The following PDGFC variants were observed in gnomAD, a reference collection of about 807,000 sequenced individuals.
PDGFC encodes platelet derived growth factor C.
In PDGFC, 12 loss-of-function variants were observed where a neutral mutation model predicts 35.5. That is an observed-to-expected ratio of 0.34 (90% CI 0.22 to 0.55). The LOEUF (loss-of-function observed/expected upper bound fraction) is 0.55. Among genes scored for constraint, PDGFC ranks in the 20% least tolerant of loss-of-function variants. The pLI is 0.91. For synonymous variants in PDGFC, 159 were observed against 148.8 expected (o/e 1.07, Z -0.50); for missense variants, 322 against 412.4 (o/e 0.78, Z 1.90).
chr4:156,942,524 T>G (rs1560884014), intron 1 of PDGFC, among the ~76,000 whole-genome samples: 1 of 151,814 alleles, frequency 6.6e-6, no homozygotes, highest in Non-Finnish European at 1.5e-5. Flanking sequence ...AAGAATGTAT[T>G]TGTGTCAATA....
chr4:156,915,518 C>G (rs142946978), intron 1 of PDGFC, among the ~76,000 whole-genome samples: 1 of 151,970 alleles, frequency 6.6e-6, no homozygotes, highest in Non-Finnish European at 1.5e-5. Flanking sequence ...AAACAAGGTG[C>G]GGGGGGGCAG....
At chr4:156,907,940 A>G (rs140996749) in intron 1 of PDGFC, among the ~76,000 whole-genome samples, 2,664 of 152,214 alleles carry the variant, frequency 0.018, 89 homozygotes, top group African/African-American at 0.061. Context: ...AGGCCAAGGC[A>G]GGAGGATCAC....
At position 156,950,517 on chromosome 4, in the gene PDGFC, T is replaced by G. The variant is rs769382748; in HGVS notation, c.118+20269A>C. Among the ~76,000 whole-genome samples the G allele has an allele frequency of 1.3e-4, 20 of 151,974 alleles. 1 individual carries two copies. Among genetic ancestry groups the G allele is most frequent in the Non-Finnish European group, 2.5e-4 (17 of 67,866 alleles). ...GAAAATCCCAAGTCTAACTGCTTTT[T>G]AAGATTTTCACATCCTTACTTTGAA... On this transcript the variant is annotated intron_variant, in intron 1 of 5. Transcript: ENST00000502773.
chr4:156,835,749 C>T (rs1221371716), intron 2 of PDGFC, among the ~76,000 whole-genome samples: 5 of 152,194 alleles, frequency 3.3e-5, no homozygotes, highest in South Asian at 2.1e-4. Flanking sequence ...AAACATCACA[C>T]GCCAGTGTTT....
At position 156,908,145 on chromosome 4, in the gene PDGFC, G is replaced by A. The variant is rs151334277; in HGVS notation, c.119-57729C>T. On this transcript the variant is annotated intron_variant, in intron 1 of 5. Transcript: ENST00000502773. ...CGTGCCACTGCACTCCAGCCTGGGCGACAGAGTGAGACTCCATTCCAAAAA... is the reference window on the plus strand; with the variant it reads ...CGTGCCACTGCACTCCAGCCTGGGCAACAGAGTGAGACTCCATTCCAAAAA... Among the ~76,000 whole-genome samples, 1,314 of 152,118 alleles carry A rather than the reference G, an allele frequency of 8.6e-3. 15 individuals carry two copies. The highest frequency in any genetic ancestry group is 0.03 in the African/African-American group (1,250 of 41,496).
chr4:156,903,104 A>AGTGTGT (rs10684023), intron 1 of PDGFC, among the ~76,000 whole-genome samples: 5,673 of 130,688 alleles, frequency 0.043, 118 homozygotes, highest in Middle Eastern at 0.11. Context: ...AGAGAGAGAG[A>AGTGTGT]GTGTGTGTGT....
At chr4:156,944,420 C>T (rs1160657310) in intron 1 of PDGFC, among the ~76,000 whole-genome samples, 2 of 152,118 alleles carry the variant, frequency 1.3e-5, no homozygotes, top group Non-Finnish European at 2.9e-5. Context: ...ATGTTTGCTT[C>T]TTTCTCTTCT....
intron 1 of PDGFC, among the ~76,000 whole-genome samples, chr4:156,949,915 A>C (rs929618768): frequency 6.6e-6 from 1 of 151,936 alleles, no homozygotes; most frequent in African/African-American, 2.4e-5. Context: ...TACCTTCAGG[A>C]AAACAAGCAG....
chr4:156,827,841 C>A (rs1395279319), intron 2 of PDGFC, among the ~76,000 whole-genome samples: 1 of 152,140 alleles, frequency 6.6e-6, no homozygotes, highest in Non-Finnish European at 1.5e-5. Flanking sequence ...AATATCCAAT[C>A]CATGGCAACC....
intron 3 of PDGFC, among the ~76,000 whole-genome samples, chr4:156,781,287 AC>A (rs1399652068): frequency 6.6e-6 from 1 of 152,102 alleles, no homozygotes; most frequent in Non-Finnish European, 1.5e-5. Context: ...CTGCCACTTT[AC>A]AATTCAGGCC....
intron 1 of PDGFC, among the ~76,000 whole-genome samples, chr4:156,891,408 C>T (rs1162680178): frequency 6.7e-6 from 1 of 149,246 alleles, no homozygotes. Context: ...TGTTTTGCAG[C>T]ATGTGCCTCT....
chr4:156,851,205 G>A (rs1729443737), intron 1 of PDGFC, among the ~76,000 whole-genome samples: 2 of 152,122 alleles, frequency 1.3e-5, no homozygotes, highest in Admixed American at 1.3e-4. Context: ...AATCTTAAAT[G>A]ACTCTGAAAA....
intron 2 of PDGFC, among the ~76,000 whole-genome samples, chr4:156,844,225 T>C (rs1466229936): frequency 4.6e-5 from 7 of 152,204 alleles, no homozygotes; most frequent in Non-Finnish European, 8.8e-5. Flanking sequence ...TTAGTTAAAT[T>C]GTTCTCAGTT....
intron 1 of PDGFC, among the ~76,000 whole-genome samples, chr4:156,963,186 G>A (rs150395390): frequency 1.6e-4 from 24 of 152,100 alleles, no homozygotes; most frequent in Non-Finnish European, 2.6e-4. Flanking sequence ...AAAAAAAGCC[G>A]GCTGGGCACA....
intron 1 of PDGFC, among the ~76,000 whole-genome samples, chr4:156,873,425 C>T (rs1372947305): frequency 6.6e-6 from 1 of 152,106 alleles, no homozygotes. Flanking sequence ...GGTAGTTGTA[C>T]CATTAATTGT....
At chr4:156,821,168 TA>T (rs1560825801) in intron 2 of PDGFC, among the ~76,000 whole-genome samples, 2 of 105,376 alleles carry the variant, frequency 1.9e-5, no homozygotes, top group African/African-American at 1.5e-4. Flanking sequence ...TTGCCTGTTG[TA>T]TGTGTGTGTG....
At chr4:156,916,926 C>T (rs1309450112) in intron 1 of PDGFC, among the ~76,000 whole-genome samples, 1 of 152,144 alleles carries the variant, frequency 6.6e-6, no homozygotes, top group Non-Finnish European at 1.5e-5. Context: ...AAAACTGATA[C>T]TAAAGAAGGT....
intron 1 of PDGFC, among the ~76,000 whole-genome samples, chr4:156,879,651 T>C (rs1330394025): frequency 6.6e-6 from 1 of 152,180 alleles, no homozygotes; most frequent in Non-Finnish European, 1.5e-5. Flanking sequence ...TAAAACAGGA[T>C]TTATGGACAT....
intron 2 of PDGFC, among the ~76,000 whole-genome samples, chr4:156,817,771 G>A (rs564376478): frequency 6.6e-6 from 1 of 152,084 alleles, no homozygotes; most frequent in South Asian, 2.1e-4. Flanking sequence ...TAAAATGCTA[G>A]GCTAGGGCTG....
Sources: gnomAD v4.1 joint callset for allele counts (sites outside exome capture counted in the v4.1 genomes callset) on GRCh38, gnomAD v4.1.1 for gene constraint, MANE v1.5 for transcripts, NCBI Gene and HGNC (gene_info 2026-07-23, HGNC 2026-07-21) for gene names.